EIF2S2: variants seen among roughly 807,000 people sequenced by gnomAD.
EIF2S2 encodes the protein eukaryotic translation initiation factor 2 subunit beta.
A neutral mutation model predicts 44.0 loss-of-function variants in EIF2S2; 4 were observed. The ratio of observed to expected loss-of-function variants is 0.09; its 90% confidence interval spans 0.04 to 0.21. The LOEUF (loss-of-function observed/expected upper bound fraction) is 0.21, where lower values mean the gene tolerates loss of function less well. EIF2S2 is among the 10% of genes least tolerant of loss of function. The pLI is 1.00. For missense variants in EIF2S2, 154 were observed against 392.0 expected (o/e 0.39, Z 5.13); for synonymous variants, 108 against 128.3 (o/e 0.84, Z 1.07).
intron 1 of EIF2S2, among the ~76,000 whole-genome samples, chr20:34,109,623 G>T (rs974595706): frequency 1.3e-5 from 2 of 151,886 alleles, no homozygotes; most frequent in South Asian, 2.1e-4. Context: ...TTGTGCCACC[G>T]CACTCCAGCC....
chr20:34,090,699 A>C, intron 7 of EIF2S2, 97 bp from the exon 8 acceptor site: 1 of 671,978 alleles, frequency 1.5e-6, no homozygotes, highest in Non-Finnish European at 2.5e-6. Context: ...AAATATATTC[A>C]GTAGCATAGG....
intron 3 of EIF2S2, among the ~76,000 whole-genome samples, chr20:34,100,366 C>T (rs1452965913): frequency 6.6e-6 from 1 of 152,142 alleles, no homozygotes; most frequent in African/African-American, 2.4e-5. Flanking sequence ...CCACACCTTC[C>T]CTCTCTGGAG....
Position 34,089,821 on chromosome 20 carries a change from G to C in EIF2S2, c.911C>G (p.Thr304Ser), listed in dbSNP as rs1295339525. ...DTRLYFLQCE[T>S]CHSRCSVASI... ...GGCAACAGAACATCTAGAATGACAA[G>C]TTTCGCACTGTAGGAAATAGAGTCG... The change falls in exon 9 of 9, where the codon ACT (threonine) becomes AGT (serine). Residue 304 changes from threonine to serine, a missense_variant. Around this residue, in one of 2 missense-constraint regions of EIF2S2, gnomAD observed 20 missense variants for 167.0 expected, o/e 0.12. Transcript: ENST00000374980. 3.1e-6 allele frequency: 5 copies of C among 1,613,956 alleles called. No homozygotes were observed. Among genetic ancestry groups the C allele is most frequent in the Non-Finnish European group, 4.2e-6 (5 of 1,179,866 alleles).
At chr20:34,096,934 T>C (rs2034236148) in intron 5 of EIF2S2, 129 bp from the exon 6 acceptor site, 1 of 1,037,934 alleles carries the variant, frequency 9.6e-7, no homozygotes, top group African/African-American at 1.6e-5. Context: ...TTACTACAAG[T>C]CTGGGAGCTC....
rs919877183 is a variant in EIF2S2 at position 34,088,704 on chromosome 20, T to C, written c.*1026A>G. On this transcript the variant is annotated 3_prime_UTR_variant, in exon 9 of 9. Transcript: ENST00000374980. ...CAGATCACAGCACCGACACAGAAGA[T>C]GGCCTTCTCCCATGTGCCAGCGGAG... is the stretch of plus-strand genomic sequence containing the variant. The C allele has an allele frequency of 1.3e-5, 2 of 152,538 alleles. No individual in the cohort carries two copies. The highest frequency in any genetic ancestry group is 2.4e-5 in the African/African-American group (1 of 41,464). The allele number at this position is 152,538 out of a possible 1,614,324, so 9.4% of individuals were successfully genotyped here.
Position 34,089,450 on chromosome 20 carries a change from A to T in EIF2S2, c.*280T>A, listed in dbSNP as rs1170759411. ...ACCAAATTGAAAGAATCACTGTTATAATAACTTTAATTTATCTTGCATTTT... is the reference window on the plus strand; with the variant it reads ...ACCAAATTGAAAGAATCACTGTTATTATAACTTTAATTTATCTTGCATTTT... On this transcript the variant is annotated 3_prime_UTR_variant, in exon 9 of 9. Transcript: ENST00000374980. 1.4e-5 allele frequency: 5 copies of T among 364,042 alleles called. No individual in the cohort carries two copies. The highest frequency in any genetic ancestry group is 1.1e-4 in the East Asian group (2 of 19,006). The allele number at this position is 364,042 out of a possible 1,614,324, so 22.6% of individuals were successfully genotyped here.
intron 1 of EIF2S2, among the ~76,000 whole-genome samples, chr20:34,110,039 G>A (rs6142101): frequency 0.52 from 77,485 of 148,152 alleles, 22,410 homozygotes; most frequent in South Asian, 0.75. Context: ...AGGCGGTTGC[G>A]GTGAGCCGAG....
At chr20:34,093,088 C>T (rs1465818241) in intron 7 of EIF2S2, among the ~76,000 whole-genome samples, 2 of 152,216 alleles carry the variant, frequency 1.3e-5, no homozygotes, top group South Asian at 2.1e-4. Context: ...TTATCATGAC[C>T]TACTCTACAT....
chr20:34,091,590 C>T (rs1452228558), intron 7 of EIF2S2, among the ~76,000 whole-genome samples: 2 of 151,692 alleles, frequency 1.3e-5, no homozygotes, highest in Admixed American at 6.6e-5. Context: ...TGGTGGTGGG[C>T]GCCTATAGTC....
Position 34,105,408 on chromosome 20 carries a change from G to A in EIF2S2, c.153C>T (p.Asp51=), listed in dbSNP as rs1336202548. 4 of 1,613,732 alleles carry A rather than the reference G, an allele frequency of 2.5e-6. No individual in the cohort carries two copies. In the African/African-American group the frequency reaches 4.0e-5, roughly 16 times the overall value. ...TKEVEPEPTE[D]KDLEADEEDT... ...CCTCTTCATCAGCTTCCAAATCCTT[G>A]TCCTCAGTTGGCTCTGGCTCCACTT... The change falls in exon 2 of 9, where the codon GAC becomes GAT. Residue 51 remains aspartate, a synonymous_variant. Transcript: ENST00000374980.
chr20:34,090,915 A>AT lies in EIF2S2; in HGVS notation c.741-314dup, dbSNP rs139994507. Among the ~76,000 whole-genome samples the AT allele has an allele frequency of 5.2e-3, 765 of 146,414 alleles. 8 individuals carry two copies. Among genetic ancestry groups the AT allele is most frequent in the African/African-American group, 0.016 (650 of 40,202 alleles). On this transcript the variant is annotated intron_variant, in intron 7 of 8. Transcript: ENST00000374980. ...AGGCACTCCCCACTGTGCCCTGCTA[A>AT]TTTTTTTTTTTTGGTAGAGATGGAG...
intron 3 of EIF2S2, among the ~76,000 whole-genome samples, chr20:34,102,842 A>G (rs1232315862): frequency 6.6e-6 from 1 of 152,066 alleles, no homozygotes; most frequent in East Asian, 1.9e-4. Context: ...TTCCCCTTTC[A>G]TCCATCCACC....
At chr20:34,111,995 G>A (rs2034419525) in intron 1 of EIF2S2, 101 bp downstream of exon 1, 5 of 1,253,432 alleles carry the variant, frequency 4.0e-6, no homozygotes, top group Non-Finnish European at 5.1e-6. Context: ...GCCTCACATG[G>A]CGGCGGCCGG....
intron 1 of EIF2S2, among the ~76,000 whole-genome samples, chr20:34,108,477 A>C (rs2034373293): frequency 6.6e-6 from 1 of 152,210 alleles, no homozygotes; most frequent in African/African-American, 2.4e-5. Context: ...GTTAGTCTTG[A>C]CTAAAATGGC....
chr20:34,110,453 TAATCTCCCTCGGCCCTGGTTTCCTGTAA>T lies in EIF2S2; in HGVS notation c.15+1615_15+1642del, dbSNP rs1368667187. Among the ~76,000 whole-genome samples the T allele has an allele frequency of 1.1e-4, 16 of 152,330 alleles. 1 individual carries two copies. The East Asian group carries it at 3.1e-3, about 29-fold the overall frequency. ...ACTTTCTGCATGATCTTGGACAAGT[TAATCTCCCTCGGCCCTGGTTTCCTGTAA>T]AATACAGTTGGACCGGCACCCCTAA... On this transcript the variant is annotated intron_variant, in intron 1 of 8. Coordinates refer to ENST00000374980, the MANE Select transcript of EIF2S2 (RefSeq NM_003908.5).
Position 34,112,079 on chromosome 20 carries a change from C to A in EIF2S2, c.15+17G>T. The A allele has an allele frequency of 6.5e-7, 1 of 1,549,290 alleles. No individual in the cohort carries two copies. The highest frequency in any genetic ancestry group is 1.2e-5 in the South Asian group (1 of 83,500). On this transcript the variant is annotated intron_variant, in intron 1 of 8. Coordinates refer to ENST00000374980, the MANE Select transcript of EIF2S2 (RefSeq NM_003908.5). The stretch of plus-strand genomic sequence containing the variant: ...TCGCCTCAATCCTTAGCCCTTACGC[C>A]GGGCTCAGATCCTCACCTCGTCCCC...
rs923651547 is a variant in EIF2S2 at position 34,098,737 on chromosome 20, A to G, written c.298-104T>C. 2.9e-6 allele frequency: 4 copies of G among 1,369,318 alleles called. No homozygotes were observed. The African/African-American group carries it at 4.4e-5, about 15-fold the overall frequency. The allele number at this position is 1,369,318 out of a possible 1,614,324, so 84.8% of individuals were successfully genotyped here. ...ATGAGGAGGTCTTGCTTTGTTGCTCAGGCTAGTCTCAAACTCCTGGCCTCA... is the reference window on the plus strand; with the variant it reads ...ATGAGGAGGTCTTGCTTTGTTGCTCGGGCTAGTCTCAAACTCCTGGCCTCA... On this transcript the variant is annotated intron_variant, in intron 3 of 8. Transcript: ENST00000374980.
intron 8 of EIF2S2, 137 bp downstream of exon 8, chr20:34,090,380 C>T (rs2122386224): frequency 1.8e-6 from 1 of 541,778 alleles, no homozygotes; most frequent in South Asian, 2.9e-5. Context: ...AGCCACCTCC[C>T]TTTCACTATC....
At chr20:34,107,196 G>A (rs1245578643) in intron 1 of EIF2S2, among the ~76,000 whole-genome samples, 1 of 151,972 alleles carries the variant, frequency 6.6e-6, no homozygotes, top group African/African-American at 2.4e-5. Flanking sequence ...AAAAGAAAGT[G>A]CAGGGTCTTT....
Sources: gnomAD v4.1 joint callset for allele counts (sites outside exome capture counted in the v4.1 genomes callset) on GRCh38, gnomAD v4.1.1 for gene constraint, gnomAD v4.1.1 regional missense constraint, MANE v1.5 for transcripts, NCBI Gene and HGNC (gene_info 2026-07-23, HGNC 2026-07-21) for gene names.